The following NRK variants were observed in gnomAD, a reference collection of about 807,000 sequenced individuals.
The protein encoded by NRK is Nik related kinase, also known as nik-related protein kinase.
A neutral mutation model predicts 125.2 loss-of-function variants in NRK; 67 were observed. That is an observed-to-expected ratio of 0.54 (90% CI 0.44 to 0.66). NRK has a LOEUF of 0.66. NRK is among the 30% of genes least tolerant of loss of function. NRK has a pLI of 0.00. For synonymous variants in NRK, 458 were observed against 429.0 expected (o/e 1.07, Z -0.84); for missense variants, 1,224 against 1,192.9 (o/e 1.03, Z -0.38).
At chrX:105,920,595 G>C (rs1005409109) in intron 16 of NRK, among the ~76,000 whole-genome samples, 1 of 109,670 alleles carries the variant, frequency 9.1e-6, no homozygotes, top group Admixed American at 9.8e-5. Context: ...AGTTCTCCTT[G>C]AAGAGGTCCT....
intron 22 of NRK, among the ~76,000 whole-genome samples, chrX:105,938,179 C>T (rs2040689892): frequency 9.0e-6 from 1 of 111,425 alleles, no homozygotes; most frequent in Admixed American, 9.6e-5. Context: ...CATTTAGTAT[C>T]AGGAAAGCAC....
intron 13 of NRK, 55 bp downstream of exon 13, chrX:105,909,937 G>T (rs1291028127): frequency 1.3e-5 from 13 of 993,835 alleles, no homozygotes; most frequent in Non-Finnish European, 1.7e-5. Context: ...AAATGTGATA[G>T]CTCATGCGGA....
intron 2 of NRK, among the ~76,000 whole-genome samples, chrX:105,859,467 C>T (rs1425814598): frequency 8.9e-6 from 1 of 111,870 alleles, no homozygotes; most frequent in Non-Finnish European, 1.9e-5. Flanking sequence ...AACTAGACTA[C>T]TCTTATGCCA....
chrX:105,948,110 A>G (rs1363293189), intron 26 of NRK, among the ~76,000 whole-genome samples: 1 of 110,389 alleles, frequency 9.1e-6, no homozygotes, highest in Non-Finnish European at 1.9e-5. Context: ...GATAGCTTTT[A>G]TTAAGAAGCT....
intron 2 of NRK, among the ~76,000 whole-genome samples, chrX:105,842,311 C>G (rs190550052): frequency 9.0e-6 from 1 of 111,176 alleles, no homozygotes. Context: ...TTACAGGATA[C>G]TCAAAGCTGA....
chrX:105,838,727 C>T (rs761579753), intron 2 of NRK, among the ~76,000 whole-genome samples: 2 of 109,786 alleles, frequency 1.8e-5, no homozygotes, highest in African/African-American at 6.6e-5. Flanking sequence ...TGTTTTAACA[C>T]CTAAAAACAG....
rs760411123 is a variant in NRK, at chrX:105,909,755, G to C, written c.2114G>C (p.Arg705Thr). ...LAKRLSPKRF[R>T]AKSSWRPEKL... is the part of the protein sequence containing the mutation. ...AAAAGACTATCACCAAAGAGGTTCA[G>C]GGCAAAGTCATCATGGAGACCTGAA... The change falls in exon 13 of 29, where the codon AGG becomes ACG. Residue 705 changes from arginine to threonine, a missense_variant. Transcript: ENST00000243300. 41 of 1,181,302 alleles carry C rather than the reference G, an allele frequency of 3.5e-5. No homozygotes were observed. In the Middle Eastern group the frequency reaches 6.9e-4, roughly 20 times the overall value.
rs774019569 is a variant in NRK, at chrX:105,946,412, A to G, written c.4301A>G (p.His1434Arg). The G allele has an allele frequency of 8.3e-7, 1 of 1,198,844 alleles. No individual in the cohort carries two copies. The highest frequency in any genetic ancestry group is 3.0e-5 in the East Asian group (1 of 33,740). ...TTCTTCAGCTCAGCAGATGGATATCACCTCATCGATGCAGAATCTGAGGTT... is the reference window on the plus strand; with the variant it reads ...TTCTTCAGCTCAGCAGATGGATATCGCCTCATCGATGCAGAATCTGAGGTT... ...KIFFSSADGY[H>R]LIDAESEVMS... is the part of the protein sequence containing the mutation. The change falls in exon 26 of 29, where the codon CAC (histidine) becomes CGC (arginine). Residue 1434 changes from histidine to arginine, a missense_variant. Transcript: ENST00000243300.
intron 2 of NRK, among the ~76,000 whole-genome samples, chrX:105,851,054 G>A (rs2039465656): frequency 1.8e-5 from 2 of 112,088 alleles, no homozygotes; most frequent in African/African-American, 6.5e-5. Context: ...GGTTTAATTG[G>A]ACTTGGACTT....
At chrX:105,930,261 T>C (rs1000755916) in intron 19 of NRK, among the ~76,000 whole-genome samples, 2 of 111,244 alleles carry the variant, frequency 1.8e-5, no homozygotes, top group Non-Finnish European at 3.8e-5. Flanking sequence ...CTTTATTCTT[T>C]TTTTTTCTCT....
intron 27 of NRK, among the ~76,000 whole-genome samples, chrX:105,950,987 A>C (rs1334247142): frequency 8.3e-5 from 9 of 108,870 alleles, no homozygotes; most frequent in Non-Finnish European, 1.3e-4. Flanking sequence ...GGCACTTTGC[A>C]TTGCATCTGC....
chrX:105,898,856 A>T, intron 8 of NRK, 142 bp downstream of exon 8: 1 of 444,594 alleles, frequency 2.2e-6, no homozygotes. Flanking sequence ...ACAAGCCTCT[A>T]TTTCGGTAAG....
At chrX:105,914,477 T>C (rs1225054011) in intron 14 of NRK, among the ~76,000 whole-genome samples, 1 of 111,255 alleles carries the variant, frequency 9.0e-6, no homozygotes, top group Non-Finnish European at 1.9e-5. Flanking sequence ...CTATTCTTAC[T>C]AATCATTTTC....
At chrX:105,871,734 C>A (rs1173192258) in intron 2 of NRK, among the ~76,000 whole-genome samples, 1 of 111,458 alleles carries the variant, frequency 9.0e-6, no homozygotes. Flanking sequence ...ATATAAAGTG[C>A]CAACTGATCA....
At chrX:105,916,586 T>C (rs1297584621) in intron 15 of NRK, among the ~76,000 whole-genome samples, 4 of 111,674 alleles carry the variant, frequency 3.6e-5, no homozygotes, top group African/African-American at 1.3e-4. Context: ...GCTTCATTAC[T>C]TTAAAAAACC....
intron 19 of NRK, among the ~76,000 whole-genome samples, chrX:105,930,913 T>G (rs1196122806): frequency 8.9e-6 from 1 of 111,843 alleles, no homozygotes; most frequent in East Asian, 2.8e-4. Flanking sequence ...AGGGGTGGGC[T>G]TGCCAGGCTG....
In NRK at chrX:105,822,704, C is replaced by T; in HGVS notation, c.-142C>T. ...TACACGTTTCCCCTCCTCTATCTCCCACGCCACGAACCCCGATCCCCAGAC... is the reference window on the plus strand; with the variant it reads ...TACACGTTTCCCCTCCTCTATCTCCTACGCCACGAACCCCGATCCCCAGAC... On this transcript the variant is annotated 5_prime_UTR_variant, in exon 1 of 29. Coordinates refer to ENST00000243300, the MANE Select transcript of NRK (RefSeq NM_198465.4). 1 of 597,464 alleles carries T rather than the reference C, an allele frequency of 1.7e-6. No individual in the cohort carries two copies. Among genetic ancestry groups the T allele is most frequent in the Admixed American group, 2.7e-5 (1 of 37,352 alleles). 49.2% of individuals were successfully genotyped at this position (597,464 alleles called of 1,213,427 possible). A position where few individuals can be genotyped will look rare whatever the true frequency, so the allele number is the denominator to read the frequency against.
At chrX:105,827,472 A>T (rs1299857040) in intron 1 of NRK, among the ~76,000 whole-genome samples, 2 of 111,409 alleles carry the variant, frequency 1.8e-5, no homozygotes, top group Non-Finnish European at 3.8e-5. Flanking sequence ...TTCTGCTTTG[A>T]AATTCTCTCC....
chrX:105,910,616 A>G (rs774558174), intron 13 of NRK, among the ~76,000 whole-genome samples: 35 of 112,225 alleles, frequency 3.1e-4, no homozygotes, highest in Non-Finnish European at 5.8e-4. Flanking sequence ...TCAGCAGGGC[A>G]TGGAGTGAGG....
Sources: allele counts gnomAD v4.1 joint callset (sites outside exome capture counted in the v4.1 genomes callset), GRCh38; gene constraint gnomAD v4.1.1; transcripts MANE v1.5; gene names NCBI Gene and HGNC (gene_info 2026-07-23, HGNC 2026-07-21).